R3HDM2: variants seen among roughly 807,000 people sequenced by gnomAD.
R3HDM2 encodes the protein R3H domain-containing protein 2.
A neutral mutation model predicts 124.5 loss-of-function variants in R3HDM2; 38 were observed. The ratio of observed to expected loss-of-function variants is 0.31; its 90% CI spans 0.24 to 0.40. The LOEUF is 0.40. R3HDM2 is among the 10% of genes least tolerant of loss of function. R3HDM2 has a pLI of 1.00. For missense variants in R3HDM2, 869 were observed against 1,236.9 expected (o/e 0.70, Z 4.46); for synonymous variants, 391 against 448.0 (o/e 0.87, Z 1.61).
chr12:57,357,231 G>A (rs986498902), intron 2 of R3HDM2, among the ~76,000 whole-genome samples: 8 of 152,166 alleles, frequency 5.3e-5, no homozygotes, highest in Non-Finnish European at 1.0e-4. Context: ...GCCGAGGCAG[G>A]TGGGTGAATC....
chr12:57,423,808 T>TAAAA (rs57587261), intron 1 of R3HDM2, among the ~76,000 whole-genome samples: 8 of 51,432 alleles, frequency 1.6e-4, no homozygotes, highest in East Asian at 6.1e-4. Flanking sequence ...CTGTCTCAAT[T>TAAAA]AAAAAAAAAA....
chr12:57,310,269 T>A lies in R3HDM2; in HGVS notation c.160A>T (p.Thr54Ser). 6.5e-7 allele frequency: 1 copy of A among 1,530,124 alleles called. No homozygotes were observed. Among genetic ancestry groups the A allele is most frequent in the Non-Finnish European group, 8.8e-7 (1 of 1,139,134 alleles). The allele number at this position is 1,530,124 out of a possible 1,614,324, so 94.8% of individuals were successfully genotyped here. The part of the protein sequence containing the change: ...ECEDTSLRQE[T>S]QRRTSNHGHA... ...AATGCATTTCCAATCGTTACCTGTGTCTCCTGACGCAAACTGGTATCTTCA... is the reference window on the plus strand; with the variant it reads ...AATGCATTTCCAATCGTTACCTGTGACTCCTGACGCAAACTGGTATCTTCA... Residue 54 changes from threonine (T) to serine (S), a missense_variant, in exon 3 of 24, where the codon ACA (threonine) becomes TCA (serine). Physicochemically the swap from Thr to Ser is moderately conservative, Grantham distance 58. Transcript: ENST00000402412.
chr12:57,430,910 C>T lies in R3HDM2; in HGVS notation c.-296G>A, dbSNP rs1324034956. On this transcript the variant is annotated 5_prime_UTR_variant, in exon 1 of 24. Transcript: ENST00000402412. Reference sequence around the variant, plus strand: ...ACTGGGACGGGGGAGGGGAAAGGGGCTTGGGAAGGAGGGGGGAGAGGGGAA... The same window carrying T: ...ACTGGGACGGGGGAGGGGAAAGGGGTTTGGGAAGGAGGGGGGAGAGGGGAA... 1 of 119,994 alleles carries T rather than the reference C, an allele frequency of 8.3e-6. No homozygotes were observed. Among genetic ancestry groups the T allele is most frequent in the Non-Finnish European group, 1.7e-5 (1 of 59,794 alleles). 7.4% of individuals were successfully genotyped at this position (119,994 alleles called of 1,614,324 possible).
chr12:57,319,445 A>T (rs985600546), intron 2 of R3HDM2, among the ~76,000 whole-genome samples: 3 of 151,912 alleles, frequency 2.0e-5, no homozygotes, highest in Admixed American at 1.3e-4. Flanking sequence ...GAAAGTCTTC[A>T]CCTCCAGAAA....
At chr12:57,357,984 CTT>C in intron 2 of R3HDM2, among the ~76,000 whole-genome samples, 1 of 137,396 alleles carries the variant, frequency 7.3e-6, no homozygotes, top group Middle Eastern at 3.6e-3. Flanking sequence ...TTCTTTTTTT[CTT>C]TTTTTTTTTT....
At chr12:57,274,239 T>G (rs1305108254) in intron 14 of R3HDM2, among the ~76,000 whole-genome samples, 1 of 152,132 alleles carries the variant, frequency 6.6e-6, no homozygotes, top group Non-Finnish European at 1.5e-5. Flanking sequence ...TCCCAACACT[T>G]TGGGAGGCTG....
At chr12:57,280,557 AGTT>A in intron 13 of R3HDM2, 27 bp from the exon 14 acceptor site, 1 of 1,567,372 alleles carries the variant, frequency 6.4e-7, no homozygotes, top group Non-Finnish European at 8.7e-7. Context: ...ACCCACAAAA[AGTT>A]GTAAGCATAA....
At chr12:57,287,966 A>G (rs2138212482) in intron 12 of R3HDM2, among the ~76,000 whole-genome samples, 1 of 151,218 alleles carries the variant, frequency 6.6e-6, no homozygotes, top group East Asian at 2.0e-4. Flanking sequence ...GAACAATCGT[A>G]TGAAGGACAC....
At chr12:57,284,110 G>T in intron 12 of R3HDM2, 54 bp from the exon 13 acceptor site, 2 of 1,428,092 alleles carry the variant, frequency 1.4e-6, no homozygotes. Flanking sequence ...TAGCAGAAGG[G>T]CTAGGAGATA....
intron 1 of R3HDM2, among the ~76,000 whole-genome samples, chr12:57,421,874 A>G (rs1342084075): frequency 1.3e-5 from 2 of 152,024 alleles, no homozygotes; most frequent in East Asian, 3.9e-4. Flanking sequence ...AGGGGGGCGG[A>G]TCACCTAAGA....
rs142249489 is a variant in R3HDM2, at chr12:57,282,579, G to A, written c.1171+1245C>T. ...GGAGTCTGAGGTGGGAGGATCATCTGGGCCCAGGAGTTCAAGGCTGCAGTA... is the reference window on the plus strand; with the variant it reads ...GGAGTCTGAGGTGGGAGGATCATCTAGGCCCAGGAGTTCAAGGCTGCAGTA... On this transcript the variant is annotated intron_variant, in intron 13 of 23. Coordinates refer to ENST00000402412, the MANE Select transcript of R3HDM2 (RefSeq NM_001394031.1). Among the ~76,000 whole-genome samples, 340 of 152,122 alleles carry A rather than the reference G, an allele frequency of 2.2e-3. 1 individual carries two copies. The highest frequency in any genetic ancestry group is 7.6e-3 in the African/African-American group (317 of 41,502).
intron 14 of R3HDM2, among the ~76,000 whole-genome samples, chr12:57,277,789 A>G (rs1028248898): frequency 1.3e-5 from 2 of 152,200 alleles, no homozygotes; most frequent in African/African-American, 2.4e-5. Context: ...GAGTAAGCAC[A>G]GTGGTGTTTG....
intron 3 of R3HDM2, among the ~76,000 whole-genome samples, chr12:57,306,040 T>A (rs978164230): frequency 6.6e-6 from 1 of 152,142 alleles, no homozygotes. Context: ...CAGATGTTGG[T>A]AGGGGTAGGA....
rs7972162 is a variant in R3HDM2 at position 57,276,164 on chromosome 12, C to T, written c.1344+4194G>A. 4.4e-3 allele frequency among the ~76,000 whole-genome samples: 656 copies of T among 147,600 alleles called. 7 individuals are homozygous for T. Among genetic ancestry groups the T allele is most frequent in the African/African-American group, 0.015 (616 of 39,860 alleles). On this transcript the variant is annotated intron_variant, in intron 14 of 23. Coordinates refer to ENST00000402412, the MANE Select transcript of R3HDM2 (RefSeq NM_001394031.1). ...CCCGGAGCTTGCAGTGAGTCAAGAT[C>T]GTGCCACTGCACTCCAGCCTGGGCG... is the stretch of plus-strand genomic sequence containing the variant.
rs1315207805 is a variant in R3HDM2, at chr12:57,258,995, G to A, written c.2196C>T (p.Pro732=). The change falls in exon 20 of 24, where the codon CCC becomes CCT. Residue 732 remains proline, a synonymous_variant. Coordinates refer to ENST00000402412, the MANE Select transcript of R3HDM2 (RefSeq NM_001394031.1). ...ACTGGACCATGGATGGGTTCTGAGGGGGCTGGGGTCCATTAGGGACATTCA... is the reference window on the plus strand; with the variant it reads ...ACTGGACCATGGATGGGTTCTGAGGAGGCTGGGGTCCATTAGGGACATTCA... ...MQLNVPNGPQ[P]PQNPSMVQWS... The A allele has an allele frequency of 1.2e-6, 2 of 1,613,200 alleles. No homozygotes were observed. Among genetic ancestry groups the A allele is most frequent in the African/African-American group, 2.7e-5 (2 of 74,868 alleles).
At position 57,254,053 on chromosome 12, in the gene R3HDM2, C is replaced by A; in HGVS notation, c.*720G>T. On this transcript the variant is annotated 3_prime_UTR_variant, in exon 24 of 24. Coordinates refer to ENST00000402412, the MANE Select transcript of R3HDM2 (RefSeq NM_001394031.1). Reference sequence around the variant, plus strand: ...GCAATCAATTTTGTTTATCTTAATTCTGTCCATATAAATATATTCATAAAG... The same window carrying A: ...GCAATCAATTTTGTTTATCTTAATTATGTCCATATAAATATATTCATAAAG... 2.4e-6 allele frequency: 1 copy of A among 414,704 alleles called. No individual in the cohort carries two copies. Among genetic ancestry groups the A allele is most frequent in the Non-Finnish European group, 4.6e-6 (1 of 215,320 alleles). The allele number at this position is 414,704 out of a possible 1,614,324, so 25.7% of individuals were successfully genotyped here. A position where few individuals can be genotyped will look rare whatever the true frequency, so the allele number is the denominator to read the frequency against.
Position 57,320,261 on chromosome 12 carries a change from C to CAAAAAAAAAAAAAAAAAAA in R3HDM2, c.-35-9817_-35-9799dup. On this transcript the variant is annotated intron_variant, in intron 2 of 23. Transcript: ENST00000402412. ...GGGCAACAAGAGTGCAACTCTATCT[C>CAAAAAAAAAAAAAAAAAAA]AAAAAAAAAAAAAAAAAAAAAAAAA... 3.4e-3 allele frequency among the ~76,000 whole-genome samples: 48 copies of CAAAAAAAAAAAAAAAAAAA among 14,278 alleles called. 2 individuals are homozygous for CAAAAAAAAAAAAAAAAAAA. Among genetic ancestry groups the CAAAAAAAAAAAAAAAAAAA allele is most frequent in the Middle Eastern group, 0.12 (1 of 8 alleles). 9.4% of individuals were successfully genotyped at this position (14,278 alleles called of 152,430 possible). A position where few individuals can be genotyped will look rare whatever the true frequency, so the allele number is the denominator to read the frequency against.
chr12:57,268,271 A>T (rs1330648933), intron 18 of R3HDM2, 32 bp downstream of exon 18: 4 of 1,603,666 alleles, frequency 2.5e-6, no homozygotes, highest in Non-Finnish European at 3.4e-6. Flanking sequence ...TCTATGGGAG[A>T]TGTCCTGTCC....
chr12:57,362,904 C>T (rs1455496865), intron 2 of R3HDM2, among the ~76,000 whole-genome samples: 2 of 152,106 alleles, frequency 1.3e-5, no homozygotes, highest in East Asian at 3.8e-4. Flanking sequence ...TAACTGCAAC[C>T]TCTGCCTCCT....
Sources: allele counts gnomAD v4.1 joint callset (sites outside exome capture counted in the v4.1 genomes callset), GRCh38; gene constraint gnomAD v4.1.1; transcripts MANE v1.5; gene names NCBI Gene and HGNC (gene_info 2026-07-23, HGNC 2026-07-21).